RYK: variants seen among roughly 807,000 people sequenced by gnomAD.
The protein encoded by RYK is inactive tyrosine-protein kinase RYK.
Under a neutral mutation model 70.2 loss-of-function variants are expected in RYK, and 21 were observed. The ratio of observed to expected loss-of-function variants is 0.30; its 90% CI spans 0.21 to 0.43. The LOEUF is 0.43. Ranked by LOEUF, RYK falls within the 20% of genes least tolerant of loss-of-function variation. RYK has a pLI of 1.00. For missense variants in RYK, 604 were observed against 753.3 expected (o/e 0.80, Z 2.32); for synonymous variants, 267 against 278.0 (o/e 0.96, Z 0.39).
intron 2 of RYK, among the ~76,000 whole-genome samples, chr3:134,213,543 G>A (rs912081288): frequency 3.3e-5 from 5 of 152,062 alleles, no homozygotes; most frequent in African/African-American, 9.7e-5. Flanking sequence ...CACTGTTGCA[G>A]GCCTTCTGTT....
chr3:134,219,129 C>G (rs1217210701), intron 2 of RYK, among the ~76,000 whole-genome samples: 1 of 152,094 alleles, frequency 6.6e-6, no homozygotes, highest in East Asian at 1.9e-4. Context: ...TATGGGAGTA[C>G]AGTTACAGCT....
At chr3:134,201,053 A>G (rs1164128163) in intron 6 of RYK, among the ~76,000 whole-genome samples, 1 of 152,226 alleles carries the variant, frequency 6.6e-6, no homozygotes, top group South Asian at 2.1e-4. Flanking sequence ...CTCTGGCTAT[A>G]TCAAGACTGA....
chr3:134,188,167 A>ATTTT (rs57894961), intron 9 of RYK, among the ~76,000 whole-genome samples: 7 of 130,228 alleles, frequency 5.4e-5, no homozygotes, highest in Admixed American at 1.6e-4. Flanking sequence ...ATATATATAT[A>ATTTT]TTTTTTTTTT....
chr3:134,169,023 T>G (rs2012797240), intron 13 of RYK, among the ~76,000 whole-genome samples: 1 of 152,188 alleles, frequency 6.6e-6, no homozygotes, highest in Non-Finnish European at 1.5e-5. Context: ...TTTTATTTTC[T>G]AGGTGATCAT....
rs528948061 is a variant in RYK at position 134,208,433 on chromosome 3, T to C, written c.590-908A>G. 7.9e-5 allele frequency among the ~76,000 whole-genome samples: 12 copies of C among 152,312 alleles called. No homozygotes were observed. In the South Asian group the frequency reaches 2.3e-3, roughly 29 times the overall value. ...TTATATCAAATATATAATGACTACA[T>C]TGGAGTAGAGAGTCTCTGAAATCTC... On this transcript the variant is annotated intron_variant, in intron 4 of 14. Coordinates refer to ENST00000623711, the MANE Select transcript of RYK (RefSeq NM_002958.4).
intron 1 of RYK, among the ~76,000 whole-genome samples, chr3:134,228,551 T>C (rs906790548): frequency 6.6e-6 from 1 of 152,036 alleles, no homozygotes; most frequent in Non-Finnish European, 1.5e-5. Context: ...ACAACATGAA[T>C]GAACCTGGAA....
chr3:134,161,956 G>A (rs2108139385), intron 13 of RYK, among the ~76,000 whole-genome samples: 1 of 152,290 alleles, frequency 6.6e-6, no homozygotes, highest in African/African-American at 2.4e-5. Flanking sequence ...CAGCGTGGCT[G>A]TGCTTCCCCG....
chr3:134,186,098 T>A (rs907187583), intron 9 of RYK, among the ~76,000 whole-genome samples: 1 of 152,188 alleles, frequency 6.6e-6, no homozygotes, highest in African/African-American at 2.4e-5. Context: ...AAACAAACAC[T>A]TGCTTATTTA....
chr3:134,183,669 T>C (rs1354360963), intron 9 of RYK, among the ~76,000 whole-genome samples: 1 of 152,188 alleles, frequency 6.6e-6, no homozygotes. Flanking sequence ...AATGCAGATA[T>C]ACCTTCCATC....
chr3:134,160,735 A>G (rs532716731), intron 13 of RYK, among the ~76,000 whole-genome samples: 174 of 152,290 alleles, frequency 1.1e-3, no homozygotes, highest in Non-Finnish European at 2.1e-3. Flanking sequence ...CATGCCTGTA[A>G]TCCCAGCTAC....
chr3:134,163,796 C>T (rs2012563822), intron 13 of RYK, among the ~76,000 whole-genome samples: 1 of 152,102 alleles, frequency 6.6e-6, no homozygotes, highest in African/African-American at 2.4e-5. Context: ...CATGGCTAGG[C>T]CTTTCTGTTC....
intron 1 of RYK, among the ~76,000 whole-genome samples, chr3:134,248,982 T>C (rs2015539947): frequency 6.6e-6 from 1 of 151,846 alleles, no homozygotes; most frequent in South Asian, 2.1e-4. Context: ...TTGTCTTCTG[T>C]CTCCTACCTA....
At chr3:134,186,729 C>T (rs1560008006) in intron 9 of RYK, among the ~76,000 whole-genome samples, 1 of 152,178 alleles carries the variant, frequency 6.6e-6, no homozygotes, top group Non-Finnish European at 1.5e-5. Flanking sequence ...TTTCTTATCA[C>T]TATTATTTCC....
rs113543197 is a variant in RYK at position 134,209,089 on chromosome 3, C to T, written c.589+606G>A. Among the ~76,000 whole-genome samples the T allele has an allele frequency of 8.7e-3, 1,324 of 152,216 alleles. 5 individuals are homozygous for T. Among genetic ancestry groups the T allele is most frequent in the Non-Finnish European group, 0.015 (1,027 of 67,998 alleles). The stretch of plus-strand genomic sequence containing the variant: ...TAGCATGCTGGAACTCTTTCATATC[C>T]ACTCGATTTCTTCAGTAACAGATAA... On this transcript the variant is annotated intron_variant, in intron 4 of 14. Coordinates refer to ENST00000623711, the MANE Select transcript of RYK (RefSeq NM_002958.4).
chr3:134,168,384 A>G (rs1037068496), intron 13 of RYK, among the ~76,000 whole-genome samples: 1 of 152,220 alleles, frequency 6.6e-6, no homozygotes, highest in Non-Finnish European at 1.5e-5. Flanking sequence ...ATGTCCATCA[A>G]TGATAGACTG....
At position 134,159,417 on chromosome 3, in the gene RYK, C is replaced by T; in HGVS notation, c.1576-44G>A. ...CACAATGAGGGGACATTTAAAACAA[C>T]AGTCAGGGGGCTAGCGCCCACAGCC... On this transcript the variant is annotated intron_variant, in intron 13 of 14. Transcript: ENST00000623711. The T allele has an allele frequency of 2.6e-6, 4 of 1,537,508 alleles. No homozygotes were observed. The East Asian group carries it at 6.8e-5, about 26-fold the overall frequency.
intron 1 of RYK, among the ~76,000 whole-genome samples, chr3:134,248,237 C>T (rs560280930): frequency 8.5e-5 from 13 of 152,090 alleles, no homozygotes; most frequent in Non-Finnish European, 1.8e-4. Flanking sequence ...CTCTCGCCCC[C>T]GGGGATAGAC....
intron 2 of RYK, among the ~76,000 whole-genome samples, chr3:134,214,400 T>C (rs571132859): frequency 9.8e-5 from 15 of 152,326 alleles, no homozygotes; most frequent in Admixed American, 3.3e-4. Context: ...GCTGTGTTCA[T>C]AGCAGGATGC....
At chr3:134,175,460 T>A (rs938342089) in intron 13 of RYK, 149 bp downstream of exon 13, 1 of 816,152 alleles carries the variant, frequency 1.2e-6, no homozygotes. Context: ...ACTGGTTGAC[T>A]GGCAGCTAAT....
Sources: gnomAD v4.1 joint callset for allele counts (sites outside exome capture counted in the v4.1 genomes callset) on GRCh38, gnomAD v4.1.1 for gene constraint, MANE v1.5 for transcripts, NCBI Gene and HGNC (gene_info 2026-07-23, HGNC 2026-07-21) for gene names.